LARGE1: variants seen among roughly 807,000 people sequenced by gnomAD.
LARGE1 encodes xylosyl- and glucuronyltransferase LARGE1.
LARGE1 carries 43 observed loss-of-function variants against 87.6 expected under a neutral mutation model. The ratio of observed to expected loss-of-function variants is 0.49; its 90% confidence interval spans 0.38 to 0.63. The LOEUF (loss-of-function observed/expected upper bound fraction) is 0.63. Ranked by LOEUF, LARGE1 falls within the 30% of genes least tolerant of loss-of-function variation. LARGE1 has a pLI of 0.00. For synonymous variants in LARGE1, 434 were observed against 394.6 expected (o/e 1.10, Z -1.18); for missense variants, 802 against 1,000.2 (o/e 0.80, Z 2.67).
chr22:33,730,631 T>C (rs9621759), intron 2 of LARGE1, among the ~76,000 whole-genome samples: 15,593 of 152,188 alleles, frequency 0.1, 2,708 homozygotes, highest in African/African-American at 0.36. Context: ...AAAAATTAAG[T>C]AGGGATGAAT....
intron 3 of LARGE1, among the ~76,000 whole-genome samples, chr22:33,634,044 G>A (rs1203890899): frequency 2.0e-5 from 3 of 152,224 alleles, no homozygotes; most frequent in Non-Finnish European, 4.4e-5. Flanking sequence ...TACCGATTGG[G>A]TTGTGTCAGG....
chr22:33,878,115 T>C (rs1207828775), intron 1 of LARGE1, among the ~76,000 whole-genome samples: 2 of 146,630 alleles, frequency 1.4e-5, no homozygotes, highest in East Asian at 3.9e-4. Context: ...ATGTATGTTG[T>C]TTATATTGTA....
At chr22:33,348,676 T>C (rs952475938) in intron 9 of LARGE1, among the ~76,000 whole-genome samples, 1 of 151,484 alleles carries the variant, frequency 6.6e-6, no homozygotes, top group Non-Finnish European at 1.5e-5. Flanking sequence ...ATTGAGGCCC[T>C]GATAGAACAA....
intron 12 of LARGE1, among the ~76,000 whole-genome samples, chr22:33,293,065 C>G (rs1288809262): frequency 1.3e-5 from 2 of 152,080 alleles, no homozygotes; most frequent in African/African-American, 4.8e-5. Flanking sequence ...GAAGCATACT[C>G]CTCTCTGTGT....
At chr22:33,898,654 T>A (rs1283073862) in intron 1 of LARGE1, among the ~76,000 whole-genome samples, 2 of 152,174 alleles carry the variant, frequency 1.3e-5, no homozygotes, top group African/African-American at 4.8e-5. Flanking sequence ...CTCCAGAGAC[T>A]GAGGCAGAAG....
intron 1 of LARGE1, among the ~76,000 whole-genome samples, chr22:33,860,765 G>C (rs2146588322): frequency 6.6e-6 from 1 of 152,274 alleles, no homozygotes; most frequent in South Asian, 2.1e-4. Flanking sequence ...CAAACTACCA[G>C]GCCACTACCC....
Position 33,557,818 on chromosome 22 carries a change from T to C in LARGE1, c.787+7030A>G, listed in dbSNP as rs928047002. Among the ~76,000 whole-genome samples, 317 of 152,304 alleles carry C rather than the reference T, an allele frequency of 2.1e-3. 2 individuals are homozygous for C. Among genetic ancestry groups the C allele is most frequent in the African/African-American group, 7.2e-3 (301 of 41,566 alleles). On this transcript the variant is annotated intron_variant, in intron 6 of 14. Coordinates refer to ENST00000397394, the MANE Select transcript of LARGE1 (RefSeq NM_133642.5). The stretch of plus-strand genomic sequence containing the variant: ...CTGACCTCAGGTGATCCACCCGCCT[T>C]AGCCTCCTGAAGTGCTGGGATTATG...
intron 11 of LARGE1, among the ~76,000 whole-genome samples, chr22:33,220,295 C>T (rs748048487): frequency 6.6e-5 from 10 of 152,002 alleles, no homozygotes; most frequent in Non-Finnish European, 1.2e-4. Context: ...GTTAGAAGCT[C>T]GGAGGCTAGG....
At chr22:33,221,132 CCTT>C (rs1203469540) in intron 11 of LARGE1, among the ~76,000 whole-genome samples, 1 of 151,534 alleles carries the variant, frequency 6.6e-6, no homozygotes, top group Non-Finnish European at 1.5e-5. Flanking sequence ...ATTATAATGT[CCTT>C]CTATCTTCAG....
chr22:33,802,768 C>G (rs2086198661), intron 1 of LARGE1, among the ~76,000 whole-genome samples: 3 of 152,144 alleles, frequency 2.0e-5, no homozygotes, highest in Admixed American at 2.0e-4. Context: ...CCAGGTCTAT[C>G]TCCCTCTCCC....
intron 6 of LARGE1, among the ~76,000 whole-genome samples, chr22:33,562,573 A>T (rs559401457): frequency 6.6e-6 from 1 of 152,232 alleles, no homozygotes; most frequent in South Asian, 2.1e-4. Context: ...CATATACCCT[A>T]CTCAACCCCA....
chr22:33,921,112 C>G (rs2065938084), upstream of LARGE1, among the ~76,000 whole-genome samples: 1 of 151,248 alleles, frequency 6.6e-6, no homozygotes, highest in African/African-American at 2.4e-5. This position sits in a 1 kb window ranked among gnomAD's most constrained non-coding sequence, Gnocchi z 4.1. Context: ...GCCCCCGACC[C>G]CGTGACCGAG....
chr22:33,286,617 T>G (rs1931584741), intron 12 of LARGE1, among the ~76,000 whole-genome samples: 1 of 152,134 alleles, frequency 6.6e-6, no homozygotes, highest in South Asian at 2.1e-4. Flanking sequence ...CTCTCTAAAC[T>G]GGGGCCCCAG....
At chr22:33,415,558 C>T (rs1412008627) in intron 7 of LARGE1, among the ~76,000 whole-genome samples, 1 of 152,196 alleles carries the variant, frequency 6.6e-6, no homozygotes, top group East Asian at 1.9e-4. Context: ...GCCATCTTTT[C>T]AGGATGCAGC....
chr22:33,542,325 A>T (rs1232437302), intron 6 of LARGE1, among the ~76,000 whole-genome samples: 2 of 151,914 alleles, frequency 1.3e-5, no homozygotes, highest in Non-Finnish European at 2.9e-5. Context: ...TCATTAGTTG[A>T]ACTCTCATGG....
intron 9 of LARGE1, among the ~76,000 whole-genome samples, chr22:33,340,899 T>C (rs554092620): frequency 1.3e-5 from 2 of 151,958 alleles, no homozygotes; most frequent in South Asian, 4.1e-4. Context: ...TCCTATACAC[T>C]GTGGAGGACA....
chr22:33,911,487 C>T (rs930625076), intron 1 of LARGE1, among the ~76,000 whole-genome samples: 1 of 152,110 alleles, frequency 6.6e-6, no homozygotes, highest in Admixed American at 6.5e-5. Context: ...TGAGTCCCTC[C>T]CTCCATTCTC....
chr22:33,851,375 C>T (rs1029879503), intron 1 of LARGE1, among the ~76,000 whole-genome samples: 5 of 152,150 alleles, frequency 3.3e-5, no homozygotes, highest in South Asian at 2.1e-4. Flanking sequence ...TCACTTACTT[C>T]GAGGCACACT....
At chr22:33,453,078 A>G (rs1056046980) in intron 6 of LARGE1, among the ~76,000 whole-genome samples, 3 of 152,206 alleles carry the variant, frequency 2.0e-5, no homozygotes, top group Admixed American at 2.0e-4. Context: ...CAACTTCATC[A>G]TCTCTACAGA....
Sources: gnomAD v4.1 joint callset for allele counts (sites outside exome capture counted in the v4.1 genomes callset) on GRCh38, gnomAD v4.1.1 for gene constraint, Gnocchi (gnomAD v3.1) non-coding constraint, MANE v1.5 for transcripts, NCBI Gene and HGNC (gene_info 2026-07-23, HGNC 2026-07-21) for gene names.